The following CYP7B1 variants were observed in gnomAD, a reference collection of about 807,000 sequenced individuals.
CYP7B1 encodes cytochrome P450 7B1.
A neutral mutation model predicts 42.7 loss-of-function variants in CYP7B1; 29 were observed. That is an observed-to-expected ratio of 0.68 (90% CI 0.51 to 0.93). The LOEUF (loss-of-function observed/expected upper bound fraction) is 0.93, where lower values mean the gene tolerates loss of function less well. Ranked by LOEUF, CYP7B1 falls within the 40% of genes least tolerant of loss-of-function variation. The probability of loss-of-function intolerance (pLI) is 0.00; values close to 1 mark genes in which losing one functional copy is unlikely to be tolerated. For missense variants in CYP7B1, 655 were observed against 600.5 expected, an observed-to-expected ratio of 1.09 and a Z score of -0.95; for synonymous variants, 235 against 218.2, an observed-to-expected ratio of 1.08 and a Z score of -0.68.
intron 1 of CYP7B1, among the ~76,000 whole-genome samples, chr8:64,639,910 A>C (rs1805828126): frequency 6.6e-6 from 1 of 152,158 alleles, no homozygotes; most frequent in Non-Finnish European, 1.5e-5. Flanking sequence ...GTATCTACAC[A>C]ATGGAATAAT....
downstream of CYP7B1, among the ~76,000 whole-genome samples, chr8:64,590,705 A>T (rs944886586): frequency 2.6e-5 from 4 of 152,218 alleles, no homozygotes; most frequent in African/African-American, 9.6e-5. Context: ...TCAGATGATA[A>T]GAATATATGT....
intron 5 of CYP7B1, among the ~76,000 whole-genome samples, chr8:64,598,638 C>G (rs976927867): frequency 6.6e-6 from 1 of 152,170 alleles, no homozygotes; most frequent in Non-Finnish European, 1.5e-5. Context: ...TCTGGTTCCT[C>G]TTTGTGAAAA....
At chr8:64,665,101 T>A (rs1436137612) in intron 1 of CYP7B1, among the ~76,000 whole-genome samples, 1 of 152,192 alleles carries the variant, frequency 6.6e-6, no homozygotes, top group African/African-American at 2.4e-5. Context: ...CATTAATATT[T>A]ATTAATTAAT....
chr8:64,793,955 A>T (rs1804662518), intron 1 of CYP7B1, among the ~76,000 whole-genome samples: 1 of 128,542 alleles, frequency 7.8e-6, no homozygotes, highest in African/African-American at 2.5e-5. Context: ...AGAAAACAAA[A>T]TACGAAACAA....
intron 1 of CYP7B1, chr8:64,703,768 C>A (rs1225624368): frequency 6.6e-6 from 1 of 151,998 alleles, no homozygotes; most frequent in African/African-American, 2.4e-5. Context: ...ATAATCAATA[C>A]AACAGTCTAT....
chr8:64,728,783 C>G (rs1807364330), intron 1 of CYP7B1: 1 of 152,080 alleles, frequency 6.6e-6, no homozygotes, highest in African/African-American at 2.4e-5. Context: ...TCAAAATGTT[C>G]AAGAAATTTC....
chr8:64,728,172 A>G (rs1224281943), intron 1 of CYP7B1: 1 of 152,262 alleles, frequency 6.6e-6, no homozygotes, highest in Non-Finnish European at 1.5e-5. Context: ...AGAAGTAAAT[A>G]CAGCTCATTG....
intron 1 of CYP7B1, among the ~76,000 whole-genome samples, chr8:64,773,389 A>G (rs1804267606): frequency 6.6e-6 from 1 of 152,242 alleles, no homozygotes; most frequent in South Asian, 2.1e-4. Flanking sequence ...AGGATCGCAG[A>G]TAAATGGGAT....
At chr8:64,642,825 T>A (rs1454401315) in intron 1 of CYP7B1, among the ~76,000 whole-genome samples, 1 of 152,030 alleles carries the variant, frequency 6.6e-6, no homozygotes, top group Non-Finnish European at 1.5e-5. Flanking sequence ...ATTGTCCAAC[T>A]CAACATCCAT....
At chr8:64,702,179 T>C (rs150532053) in intron 1 of CYP7B1, among the ~76,000 whole-genome samples, 28 of 152,096 alleles carry the variant, frequency 1.8e-4, no homozygotes, top group African/African-American at 6.7e-4. Flanking sequence ...ACTTAGCCCA[T>C]TATAGAACTA....
chr8:64,699,204 A>C (rs10112206), intron 1 of CYP7B1, among the ~76,000 whole-genome samples: 67,618 of 151,970 alleles, frequency 0.44, 16,295 homozygotes, highest in Middle Eastern at 0.51. Context: ...CAAAGAGTTG[A>C]AAAATGACAG....
chr8:64,657,901 A>G (rs1806145066), intron 1 of CYP7B1, among the ~76,000 whole-genome samples: 1 of 152,228 alleles, frequency 6.6e-6, no homozygotes. Context: ...ATGGTGATTT[A>G]CAAACAACAG....
At chr8:64,708,411 TTAA>T (rs1031616264) in intron 1 of CYP7B1, among the ~76,000 whole-genome samples, 2 of 152,170 alleles carry the variant, frequency 1.3e-5, no homozygotes, top group Non-Finnish European at 2.9e-5. Context: ...TTTGCAAAAC[TTAA>T]TAATCACTAT....
Position 64,624,951 on chromosome 8 carries a change from C to CTTT in CYP7B1, c.123-415_123-413dup, listed in dbSNP as rs71260892. Among the ~76,000 whole-genome samples the CTTT allele has an allele frequency of 3.3e-3, 181 of 54,068 alleles. 25 individuals are homozygous for CTTT. The highest frequency in any genetic ancestry group is 4.4e-3 in the East Asian group (7 of 1,588). The allele number at this position is 54,068 out of a possible 152,430, so 35.5% of individuals were successfully genotyped here. A position where few individuals can be genotyped will look rare whatever the true frequency, so the allele number is the denominator to read the frequency against. ...AGTCCCCAAAGTCCATTATATCATTCTTTTTTTTTTTTTTTTTTTTTTTTT... is the reference window on the plus strand; with the variant it reads ...AGTCCCCAAAGTCCATTATATCATTCTTTTTTTTTTTTTTTTTTTTTTTTTTTT... On this transcript the variant is annotated intron_variant, in intron 1 of 5. Transcript: ENST00000310193.
intron 1 of CYP7B1, among the ~76,000 whole-genome samples, chr8:64,728,687 T>C (rs974351078): frequency 6.6e-6 from 1 of 152,234 alleles, no homozygotes; most frequent in Non-Finnish European, 1.5e-5. Context: ...ATTGTGTTTA[T>C]TAGAATGATT....
At chr8:64,601,028 C>T (rs549222391) in intron 5 of CYP7B1, among the ~76,000 whole-genome samples, 2 of 152,160 alleles carry the variant, frequency 1.3e-5, no homozygotes, top group African/African-American at 2.4e-5. Flanking sequence ...ACTAGTGGCA[C>T]AATCTCTATT....
intron 1 of CYP7B1, among the ~76,000 whole-genome samples, chr8:64,796,642 T>C (rs1273810955): frequency 6.6e-6 from 1 of 152,180 alleles, no homozygotes; most frequent in East Asian, 1.9e-4. Flanking sequence ...CAAAGATATC[T>C]ATGTTTTGTG....
At chr8:64,759,280 T>A (rs1314208221) in intron 1 of CYP7B1, among the ~76,000 whole-genome samples, 1 of 152,182 alleles carries the variant, frequency 6.6e-6, no homozygotes, top group Non-Finnish European at 1.5e-5. Context: ...CAAGAGGTCA[T>A]CAGTCTGCTA....
At chr8:64,600,924 G>A (rs1367189751) in intron 5 of CYP7B1, among the ~76,000 whole-genome samples, 1 of 152,182 alleles carries the variant, frequency 6.6e-6, no homozygotes, top group Non-Finnish European at 1.5e-5. Context: ...GTTTGTAGGG[G>A]AAGGGACCTT....
Sources: gnomAD v4.1 joint callset for allele counts (sites outside exome capture counted in the v4.1 genomes callset) on GRCh38, gnomAD v4.1.1 for gene constraint, MANE v1.5 for transcripts, NCBI Gene and HGNC (gene_info 2026-07-23, HGNC 2026-07-21) for gene names.